The following MBNL1 variants were observed in gnomAD, a reference collection of about 807,000 sequenced individuals.
MBNL1 encodes the protein muscleblind like splicing regulator 1, also known as muscleblind-like protein 1.
Under a neutral mutation model 42.2 loss-of-function variants are expected in MBNL1, and 8 were observed. The ratio of observed to expected loss-of-function variants is 0.19; its 90% confidence interval spans 0.11 to 0.34. The LOEUF is 0.34. Ranked by LOEUF, MBNL1 falls within the 10% of genes least tolerant of loss-of-function variation. The pLI, the probability that MBNL1 is intolerant of heterozygous loss-of-function variation, is 1.00. For synonymous variants in MBNL1, 169 were observed against 173.9 expected (o/e 0.97, Z 0.22); for missense variants, 309 against 495.3 (o/e 0.62, Z 3.57).
intron 2 of MBNL1, among the ~76,000 whole-genome samples, chr3:152,320,399 A>C (rs1292884620): frequency 6.6e-6 from 1 of 152,014 alleles, no homozygotes; most frequent in Non-Finnish European, 1.5e-5. Context: ...CTTTCCCTGG[A>C]CTCATGCCAT....
intron 2 of MBNL1, among the ~76,000 whole-genome samples, chr3:152,327,864 A>T (rs1019290565): frequency 6.6e-6 from 1 of 151,948 alleles, no homozygotes; most frequent in African/African-American, 2.4e-5. Context: ...TGTCTAAAAT[A>T]GTGGCCATAA....
chr3:152,314,337 C>A (rs1054240162), intron 2 of MBNL1, among the ~76,000 whole-genome samples: 2 of 151,086 alleles, frequency 1.3e-5, no homozygotes, highest in African/African-American at 4.9e-5. Flanking sequence ...GATAGGGATC[C>A]AATTCTAGCC....
At chr3:152,445,607 T>C in intron 5 of MBNL1, 68 bp downstream of exon 5, 1 of 1,482,666 alleles carries the variant, frequency 6.7e-7, no homozygotes, top group East Asian at 2.3e-5. Context: ...TATATCTGAC[T>C]ACAAGCTATT....
chr3:152,398,676 T>C (rs2098090041), intron 2 of MBNL1, among the ~76,000 whole-genome samples: 1 of 152,196 alleles, frequency 6.6e-6, no homozygotes, highest in Non-Finnish European at 1.5e-5. Flanking sequence ...CTTCAAGCCC[T>C]CTTACATTCT....
At chr3:152,346,755 G>A (rs570668105) in intron 2 of MBNL1, among the ~76,000 whole-genome samples, 73 of 152,112 alleles carry the variant, frequency 4.8e-4, no homozygotes, top group Admixed American at 1.1e-3. Flanking sequence ...AAAATAGTGA[G>A]GGTTTCATAA....
rs545884738 is a variant in MBNL1, at chr3:152,463,271, A to C, written c.*905A>C. 6.7e-4 allele frequency: 101 copies of C among 151,374 alleles called. 1 individual carries two copies. Among genetic ancestry groups the C allele is most frequent in the African/African-American group, 2.4e-3 (98 of 41,414 alleles). The allele number at this position is 151,374 out of a possible 1,614,324, so 9.4% of individuals were successfully genotyped here. A position where few individuals can be genotyped will look rare whatever the true frequency, so the allele number is the denominator to read the frequency against. On this transcript the variant is annotated 3_prime_UTR_variant, in exon 10 of 10. Coordinates refer to ENST00000324210, the MANE Select transcript of MBNL1 (RefSeq NM_021038.5). ...CATACTGGAGATATATATATAATAG[A>C]TATATATAAAATTATTTTAATGCAT...
intron 2 of MBNL1, among the ~76,000 whole-genome samples, chr3:152,365,266 AT>A (rs11365207): frequency 0.12 from 17,793 of 149,974 alleles, 1,189 homozygotes; most frequent in Middle Eastern, 0.18. Context: ...CAATTTTCTG[AT>A]TTTTTTTTTA....
intron 2 of MBNL1, among the ~76,000 whole-genome samples, chr3:152,258,291 T>C (rs1161724009): frequency 6.6e-6 from 1 of 152,222 alleles, no homozygotes; most frequent in Non-Finnish European, 1.5e-5. Flanking sequence ...ATAATTCTCA[T>C]GAAGTCATTT....
At chr3:152,362,866 GT>G (rs2096077651) in intron 2 of MBNL1, among the ~76,000 whole-genome samples, 1 of 152,150 alleles carries the variant, frequency 6.6e-6, no homozygotes, top group Admixed American at 6.5e-5. Context: ...ATCTGTACTT[GT>G]AGAGATATAG....
At chr3:152,331,834 C>T (rs1301760067) in intron 2 of MBNL1, among the ~76,000 whole-genome samples, 1 of 151,714 alleles carries the variant, frequency 6.6e-6, no homozygotes, top group Non-Finnish European at 1.5e-5. Context: ...GGGATTACAG[C>T]CTCCCCACTA....
intron 1 of MBNL1, among the ~76,000 whole-genome samples, chr3:152,290,901 C>T (rs2055547662): frequency 6.6e-6 from 1 of 152,160 alleles, no homozygotes; most frequent in East Asian, 1.9e-4. Context: ...GGTTGGGTCA[C>T]TGTACCATTC....
chr3:152,317,135 T>C (rs2152295182), intron 2 of MBNL1, among the ~76,000 whole-genome samples: 1 of 152,204 alleles, frequency 6.6e-6, no homozygotes, highest in African/African-American at 2.4e-5. Flanking sequence ...AGTTAGCAGG[T>C]CTCCATTTTC....
rs1175372302 is a variant in MBNL1, at chr3:152,464,162, T to C, written c.*1796T>C. The stretch of plus-strand genomic sequence containing the variant: ...TCCTACATTTATTAGATTTTCATTT[T>C]CTATTAACAATTGAATACCATTTCA... On this transcript the variant is annotated 3_prime_UTR_variant, in exon 10 of 10. Coordinates refer to ENST00000324210, the MANE Select transcript of MBNL1 (RefSeq NM_021038.5). The C allele has an allele frequency of 6.6e-6, 1 of 152,512 alleles. No homozygotes were observed. The highest frequency in any genetic ancestry group is 1.9e-4 in the East Asian group (1 of 5,208). The allele number at this position is 152,512 out of a possible 1,614,324, so 9.4% of individuals were successfully genotyped here. A position where few individuals can be genotyped will look rare whatever the true frequency, so the allele number is the denominator to read the frequency against.
intron 2 of MBNL1, among the ~76,000 whole-genome samples, chr3:152,413,651 A>G (rs1400240321): frequency 5.3e-5 from 8 of 152,238 alleles, no homozygotes; most frequent in Admixed American, 1.3e-4. Context: ...TATAAGCATC[A>G]GAGTCAATTT....
At chr3:152,414,306 AAAAGTT>A (rs1342599175) in intron 2 of MBNL1, among the ~76,000 whole-genome samples, 3 of 152,222 alleles carry the variant, frequency 2.0e-5, no homozygotes, top group African/African-American at 7.2e-5. Context: ...TTTATCTTTG[AAAAGTT>A]AAAGGCCACA....
At chr3:152,411,889 G>C (rs756123188) in intron 2 of MBNL1, among the ~76,000 whole-genome samples, 4 of 152,154 alleles carry the variant, frequency 2.6e-5, no homozygotes, top group Non-Finnish European at 5.9e-5. Flanking sequence ...GTACAACTCA[G>C]AACCAAGATT....
chr3:152,311,073 A>G (rs965906309), intron 2 of MBNL1, among the ~76,000 whole-genome samples: 2 of 128,202 alleles, frequency 1.6e-5, no homozygotes, highest in Non-Finnish European at 3.1e-5. Context: ...TGGTGGTGCC[A>G]TCTCAGCTTA....
rs758976742 is a variant in MBNL1, at chr3:152,300,282, C to T, written c.89C>T (p.Pro30Leu). The stretch of plus-strand genomic sequence containing the variant: ...TTCCAGAGGGGGACTTGCTCACGGC[C>T]AGACACGGAATGTAAATTTGCACAT... ...REFQRGTCSR[P>L]DTECKFAHPS... is the part of the protein sequence containing the mutation. Residue 30 changes from proline to leucine, a missense_variant, in exon 2 of 10, where the codon CCA (proline) becomes CTA (leucine). Transcript: ENST00000324210. 2.5e-6 allele frequency: 4 copies of T among 1,613,714 alleles called. No homozygotes were observed. In the African/African-American group the frequency reaches 4.0e-5, roughly 16 times the overall value.
At chr3:152,384,349 T>C (rs1309546415) in intron 2 of MBNL1, among the ~76,000 whole-genome samples, 2 of 152,098 alleles carry the variant, frequency 1.3e-5, no homozygotes, top group Non-Finnish European at 2.9e-5. Context: ...CAGAAGTTGC[T>C]GCTTCTGGGT....
Sources: allele counts gnomAD v4.1 joint callset (sites outside exome capture counted in the v4.1 genomes callset), GRCh38; gene constraint gnomAD v4.1.1; transcripts MANE v1.5; gene names NCBI Gene and HGNC (gene_info 2026-07-23, HGNC 2026-07-21).